The following PTPRU variants were observed in gnomAD, a reference collection of about 807,000 sequenced individuals.
PTPRU encodes receptor-type tyrosine-protein phosphatase U.
PTPRU carries 69 observed loss-of-function variants against 166.3 expected under a neutral mutation model. The observed-to-expected ratio is 0.41, with a 90% confidence interval of 0.34 to 0.51. The LOEUF (loss-of-function observed/expected upper bound fraction) is 0.51. Ranked by LOEUF, PTPRU falls within the 20% of genes least tolerant of loss-of-function variation. The pLI, the probability that PTPRU is intolerant of heterozygous loss-of-function variation, is 0.09. For missense variants in PTPRU, 1,657 were observed against 2,013.7 expected (o/e 0.82, Z 3.39); for synonymous variants, 793 against 814.0 (o/e 0.97, Z 0.44).
At chr1:29,277,861 C>T (rs572535946) in intron 8 of PTPRU, among the ~76,000 whole-genome samples, 3 of 95,652 alleles carry the variant, frequency 3.1e-5, no homozygotes, top group Non-Finnish European at 6.0e-5. Context: ...TTCTGTTGCC[C>T]AGGCTGGAGA....
intron 7 of PTPRU, among the ~76,000 whole-genome samples, chr1:29,265,762 G>A (rs1685272767): frequency 6.6e-6 from 1 of 152,014 alleles, no homozygotes; most frequent in Non-Finnish European, 1.5e-5. Flanking sequence ...TCTTTTTGTT[G>A]TTGTTGTTGT....
intron 15 of PTPRU, among the ~76,000 whole-genome samples, chr1:29,301,679 A>G (rs187825365): frequency 6.6e-6 from 1 of 152,150 alleles, no homozygotes; most frequent in East Asian, 1.9e-4. Context: ...GGTGTGCTAC[A>G]CCCATTAACT....
intron 18 of PTPRU, chr1:29,307,289 G>A (rs1485701617): frequency 6.0e-6 from 7 of 1,161,952 alleles, no homozygotes; most frequent in South Asian, 2.7e-5. Context: ...AGCACCAACC[G>A]TCCATTTCAG....
At chr1:29,251,943 C>G (rs183893923) in intron 1 of PTPRU, among the ~76,000 whole-genome samples, 1 of 152,338 alleles carries the variant, frequency 6.6e-6, no homozygotes, top group East Asian at 1.9e-4. Context: ...CATGCTCTCT[C>G]TCTGTACTTG....
chr1:29,282,980 T>A, intron 12 of PTPRU, 31 bp downstream of exon 12: 1 of 1,588,230 alleles, frequency 6.3e-7, no homozygotes, highest in Non-Finnish European at 8.5e-7. Flanking sequence ...ATGGTGGGCG[T>A]GGTTGGGTGT....
chr1:29,324,588 C>G (rs1293948808), intron 28 of PTPRU, among the ~76,000 whole-genome samples: 1 of 152,220 alleles, frequency 6.6e-6, no homozygotes, highest in Non-Finnish European at 1.5e-5. Flanking sequence ...CCACCTTGCT[C>G]TCTGGGTACG....
intron 14 of PTPRU, chr1:29,289,592 C>T (rs921700397): frequency 6.6e-7 from 1 of 1,523,404 alleles, no homozygotes. Flanking sequence ...GGTACCCAGG[C>T]CCCACCCTGC....
At position 29,280,063 on chromosome 1, in the gene PTPRU, T is replaced by C; in HGVS notation, c.1790T>C (p.Met597Thr). The change falls in exon 11 of 30, where the codon ATG becomes ACG. Residue 597 changes from methionine (M) to threonine (T), a missense_variant. Met to Thr is a moderately conservative substitution (Grantham distance 81, BLOSUM62 -1). Around this residue, in one of 3 missense-constraint regions of PTPRU, gnomAD observed 1,190 missense variants for 1,477.4 expected, o/e 0.81. Coordinates refer to ENST00000373779, the MANE Select transcript of PTPRU (RefSeq NM_133178.4). The surrounding 1 kb of genome is among the most constrained non-coding windows in gnomAD (Gnocchi z 4.2). ...GCTCCCAGCTTTGATTATGCCGACA[T>C]GCCGTCACCCCTGGGCGAGTCTGAG... The part of the protein sequence containing the change: ...ISAPSFDYAD[M>T]PSPLGESENT... 5 of 1,613,768 alleles carry C rather than the reference T, an allele frequency of 3.1e-6. No individual in the cohort carries two copies. The highest frequency in any genetic ancestry group is 4.2e-6 in the Non-Finnish European group (5 of 1,179,948).
intron 1 of PTPRU, among the ~76,000 whole-genome samples, chr1:29,243,063 A>G (rs1684127917): frequency 6.6e-6 from 1 of 152,004 alleles, no homozygotes. Context: ...ACGCTCGGCT[A>G]ATTTTTTGTA....
intron 26 of PTPRU, among the ~76,000 whole-genome samples, chr1:29,322,097 C>G (rs1688185943): frequency 6.6e-6 from 1 of 152,242 alleles, no homozygotes. Context: ...GAGTCAGGCA[C>G]TTTGTGAAAA....
intron 12 of PTPRU, 135 bp downstream of exon 12, chr1:29,283,084 C>T: frequency 1.6e-6 from 2 of 1,264,112 alleles, no homozygotes; most frequent in East Asian, 2.4e-5. Context: ...AGCCCCACCT[C>T]CCATAGCTCC....
At chr1:29,306,174 G>A (rs534246826) in intron 18 of PTPRU, among the ~76,000 whole-genome samples, 5 of 152,344 alleles carry the variant, frequency 3.3e-5, no homozygotes, top group African/African-American at 1.2e-4. Context: ...GGACTTGGAT[G>A]GATTGGAGGG....
chr1:29,316,016 C>CA lies in PTPRU; in HGVS notation c.3379dup (p.Ile1127AsnfsTer3). 6.2e-7 allele frequency: 1 copy of CA among 1,614,126 alleles called. No individual in the cohort carries two copies. Among genetic ancestry groups the CA allele is most frequent in the Non-Finnish European group, 8.5e-7 (1 of 1,179,976 alleles). On this transcript the variant is annotated frameshift_variant, in exon 24 of 30. Transcript: ENST00000373779. LOFTEE classifies it high-confidence loss of function. ...TCCTGTTCCAGGAGCAGTACATCTT[C>CA]ATTCATGATGCAATCCTGGAGGCCT... is the stretch of plus-strand genomic sequence containing the variant.
At chr1:29,300,311 T>C (rs953196564) in intron 15 of PTPRU, among the ~76,000 whole-genome samples, 1 of 152,242 alleles carries the variant, frequency 6.6e-6, no homozygotes, top group African/African-American at 2.4e-5. Flanking sequence ...AAGATGTTTA[T>C]GAAACATTGC....
At chr1:29,272,553 G>A (rs533573613) in intron 7 of PTPRU, among the ~76,000 whole-genome samples, 8 of 152,182 alleles carry the variant, frequency 5.3e-5, no homozygotes, top group Admixed American at 1.3e-4. Context: ...CAGCCTGGGC[G>A]AATGCTTTCC....
Position 29,260,530 on chromosome 1 carries a change from G to T in PTPRU, c.851-80G>T. 9.3e-7 allele frequency: 1 copy of T among 1,080,426 alleles called. No homozygotes were observed. The highest frequency in any genetic ancestry group is 1.3e-6 in the Non-Finnish European group (1 of 781,106). The allele number at this position is 1,080,426 out of a possible 1,614,324, so 66.9% of individuals were successfully genotyped here. A position where few individuals can be genotyped will look rare whatever the true frequency, so the allele number is the denominator to read the frequency against. On this transcript the variant is annotated intron_variant, in intron 6 of 29. Coordinates refer to ENST00000373779, the MANE Select transcript of PTPRU (RefSeq NM_133178.4). This position sits in a 1 kb window ranked among gnomAD's most constrained non-coding sequence, Gnocchi z 8.3. ...CCCTAGGAGGACGGAGAGGGATTTG[G>T]GTGTGGTGGAACTCAGAGTTGGGTG...
intron 1 of PTPRU, among the ~76,000 whole-genome samples, chr1:29,255,023 TG>T (rs1684711892): frequency 6.6e-6 from 1 of 151,958 alleles, no homozygotes; most frequent in African/African-American, 2.4e-5. Flanking sequence ...CAGTGGTGGT[TG>T]GGGGGTCCTG....
chr1:29,284,855 C>G lies in PTPRU; in HGVS notation c.2304C>G (p.Val768=). The G allele has an allele frequency of 6.2e-7, 1 of 1,612,218 alleles. No homozygotes were observed. The highest frequency in any genetic ancestry group is 8.5e-7 in the Non-Finnish European group (1 of 1,178,836). ...VLILLLGAII[V]IIRKGKPVNM... Reference sequence around the variant, plus strand: ...TCCTTCTCCTGGGTGCCATCATTGTCATCATCCGCAAAGGGTGAGTGAGGC... The same window carrying G: ...TCCTTCTCCTGGGTGCCATCATTGTGATCATCCGCAAAGGGTGAGTGAGGC... The change falls in exon 14 of 30, where the codon GTC becomes GTG. Residue 768 remains valine, a synonymous_variant. Transcript: ENST00000373779.
intron 15 of PTPRU, among the ~76,000 whole-genome samples, chr1:29,302,902 A>G (rs1305066278): frequency 6.6e-6 from 1 of 152,210 alleles, no homozygotes; most frequent in East Asian, 1.9e-4. Context: ...GTTAAGATAC[A>G]TAAATACTTA....
Sources: allele counts gnomAD v4.1 joint callset (sites outside exome capture counted in the v4.1 genomes callset), GRCh38; gene constraint gnomAD v4.1.1; regional missense constraint gnomAD v4.1.1; non-coding constraint Gnocchi (gnomAD v3.1); transcripts MANE v1.5; gene names NCBI Gene and HGNC (gene_info 2026-07-23, HGNC 2026-07-21).